TENM2: variants seen among roughly 807,000 people sequenced by gnomAD.
The protein encoded by TENM2 is teneurin-2.
In TENM2, 52 loss-of-function variants were observed where a neutral mutation model predicts 245.2. The observed-to-expected ratio is 0.21, with a 90% confidence interval of 0.17 to 0.27. The LOEUF is 0.27. Among genes scored for constraint, TENM2 ranks in the 10% least tolerant of loss-of-function variants. The pLI, the probability that TENM2 is intolerant of heterozygous loss-of-function variation, is 1.00. For missense variants in TENM2, 3,046 were observed against 3,666.8 expected (o/e 0.83, Z 4.37); for synonymous variants, 1,363 against 1,438.9 (o/e 0.95, Z 1.19).
At chr5:167,155,825 T>G in the TENM2 span, among the ~76,000 whole-genome samples, 14 of 152,362 alleles carry the variant, frequency 9.2e-5, no homozygotes, top group African/African-American at 3.1e-4. Flanking sequence ...AAGGATTTGC[T>G]GCACATGTGC....
chr5:168,009,143 A>G (rs565315761), intron 5 of TENM2, among the ~76,000 whole-genome samples: 6 of 152,334 alleles, frequency 3.9e-5, no homozygotes, highest in African/African-American at 1.2e-4. Context: ...CAGCATACCC[A>G]TTTATAAACA....
chr5:167,128,055 A>G, the TENM2 span, among the ~76,000 whole-genome samples: 1 of 152,176 alleles, frequency 6.6e-6, no homozygotes, highest in African/African-American at 2.4e-5. Context: ...GCTGAGTACA[A>G]ACATTGCTTC....
intron 5 of TENM2, among the ~76,000 whole-genome samples, chr5:167,995,041 G>A (rs1236099056): frequency 6.6e-6 from 1 of 152,158 alleles, no homozygotes; most frequent in African/African-American, 2.4e-5. Context: ...CACTTCTCAG[G>A]CTTAATGTTC....
chr5:167,359,514 T>C (rs1258127918), intron 1 of TENM2, among the ~76,000 whole-genome samples: 2 of 96,196 alleles, frequency 2.1e-5, no homozygotes, highest in Non-Finnish European at 5.3e-5. Flanking sequence ...TACTTTCTAT[T>C]TTTTTTTTCT....
chr5:167,739,928 C>A (rs1192678712), intron 2 of TENM2, among the ~76,000 whole-genome samples: 1 of 152,172 alleles, frequency 6.6e-6, no homozygotes, highest in Non-Finnish European at 1.5e-5. Flanking sequence ...ACCCTCGCTT[C>A]CCCTTGTTAT....
At chr5:167,707,399 T>G (rs1758608964) in intron 2 of TENM2, among the ~76,000 whole-genome samples, 1 of 152,218 alleles carries the variant, frequency 6.6e-6, no homozygotes, top group Non-Finnish European at 1.5e-5. Flanking sequence ...TTTTCTTTGC[T>G]GCACAGAAGC....
intron 12 of TENM2, among the ~76,000 whole-genome samples, chr5:168,154,488 G>T (rs1444338373): frequency 6.6e-6 from 1 of 152,164 alleles, no homozygotes; most frequent in African/African-American, 2.4e-5. Context: ...ACCTCCCAAA[G>T]TGCTAGGATT....
intron 2 of TENM2, among the ~76,000 whole-genome samples, chr5:167,584,268 A>G (rs1242771622): frequency 2.0e-5 from 3 of 152,212 alleles, no homozygotes; most frequent in Non-Finnish European, 4.4e-5. Context: ...GTGGCTCAAG[A>G]GCACTGGTTC....
intron 2 of TENM2, among the ~76,000 whole-genome samples, chr5:167,609,810 C>G (rs1331753561): frequency 6.6e-6 from 1 of 152,152 alleles, no homozygotes; most frequent in Non-Finnish European, 1.5e-5. Flanking sequence ...TACTTAACTT[C>G]TGGTCACCAA....
chr5:167,305,016 G>A (rs1755586025), intron 1 of TENM2, among the ~76,000 whole-genome samples: 1 of 152,124 alleles, frequency 6.6e-6, no homozygotes, highest in Non-Finnish European at 1.5e-5. Flanking sequence ...CATGAGCACG[G>A]AGAGGGATCA....
Position 168,218,161 on chromosome 5 carries a change from C to T in TENM2, c.4270C>T (p.Pro1424Ser). 1 of 1,613,832 alleles carries T rather than the reference C, an allele frequency of 6.2e-7. No individual in the cohort carries two copies. The highest frequency in any genetic ancestry group is 1.3e-5 in the African/African-American group (1 of 75,024). ...GTGGCCAACAGACCTTGCTGTCAAT[C>T]CCATGGATAACTCCTTGTATGTTCT... is the stretch of plus-strand genomic sequence containing the variant. The change falls in exon 23 of 29, where the codon CCC (proline) becomes TCC (serine). Residue 1424 changes from proline (P) to serine (S), a missense_variant. Pro to Ser is a moderately conservative substitution (Grantham distance 74). Around this residue, in one of 2 missense-constraint regions of TENM2, gnomAD observed 2,704 missense variants for 3,331.9 expected, o/e 0.81. Coordinates refer to ENST00000518659, the Ensembl canonical transcript of TENM2. This position sits in a 1 kb window ranked among gnomAD's most constrained non-coding sequence, Gnocchi z 5.2.
intron 2 of TENM2, among the ~76,000 whole-genome samples, chr5:167,739,192 TG>T (rs1296178520): frequency 2.6e-5 from 4 of 152,192 alleles, no homozygotes; most frequent in Non-Finnish European, 4.4e-5. Context: ...GTTCTAGCCA[TG>T]GGTAGGGTGT....
the TENM2 span, among the ~76,000 whole-genome samples, chr5:167,079,246 C>A: frequency 7.0e-6 from 1 of 142,360 alleles, no homozygotes; most frequent in Admixed American, 7.1e-5. Flanking sequence ...TCTCTCTCTA[C>A]GTATATACAT....
intron 3 of TENM2, among the ~76,000 whole-genome samples, chr5:167,893,737 A>G (rs896719567): frequency 2.0e-5 from 3 of 152,058 alleles, no homozygotes; most frequent in African/African-American, 4.8e-5. Context: ...TTTTAAAACT[A>G]CATAGTAGGA....
At chr5:167,503,711 C>T (rs575899243) in intron 2 of TENM2, among the ~76,000 whole-genome samples, 14 of 151,906 alleles carry the variant, frequency 9.2e-5, no homozygotes, top group Admixed American at 2.6e-4. Flanking sequence ...CTGGGTAACA[C>T]GGCAGAAACC....
At chr5:167,913,097 A>C (rs1032331808) in intron 3 of TENM2, among the ~76,000 whole-genome samples, 3 of 152,208 alleles carry the variant, frequency 2.0e-5, no homozygotes, top group Non-Finnish European at 4.4e-5. Context: ...TCAGCGAGAT[A>C]GAGCAGCATT....
the TENM2 span, among the ~76,000 whole-genome samples, chr5:167,205,170 C>T: frequency 5.3e-5 from 8 of 152,156 alleles, no homozygotes; most frequent in African/African-American, 1.9e-4. Context: ...CACTTGAGGT[C>T]AGGAGTTTGA....
intron 2 of TENM2, chr5:167,653,253 T>C (rs1754597401): frequency 6.6e-6 from 1 of 152,102 alleles, no homozygotes; most frequent in Non-Finnish European, 1.5e-5. Context: ...TTTATATATT[T>C]ATTTCTTTTT....
In TENM2 at chr5:167,656,621, T is replaced by A. The variant is rs185423948; in HGVS notation, c.503-219365T>A. ...ATTAAGTCTGAAGCATAAAACTTTT[T>A]TTTTGAATTTTATCTTATTTTCATT... On this transcript the variant is annotated intron_variant, in intron 2 of 28. Coordinates refer to ENST00000518659, the Ensembl canonical transcript of TENM2. 1.2e-3 allele frequency among the ~76,000 whole-genome samples: 180 copies of A among 152,292 alleles called. 1 individual carries two copies. Among genetic ancestry groups the A allele is most frequent in the African/African-American group, 4.2e-3 (173 of 41,574 alleles).
Sources: allele counts gnomAD v4.1 joint callset (sites outside exome capture counted in the v4.1 genomes callset), GRCh38; gene constraint gnomAD v4.1.1; regional missense constraint gnomAD v4.1.1; non-coding constraint Gnocchi (gnomAD v3.1); transcripts MANE v1.5; gene names NCBI Gene and HGNC (gene_info 2026-07-23, HGNC 2026-07-21).